Variants in SMOC1 observed in about 807,000 individuals in gnomAD.
SMOC1 encodes SPARC-related modular calcium-binding protein 1.
Under a neutral mutation model 56.3 loss-of-function variants are expected in SMOC1, and 22 were observed. The ratio of observed to expected loss-of-function variants is 0.39; its 90% CI spans 0.28 to 0.56. SMOC1 has a LOEUF of 0.56. Ranked by LOEUF, SMOC1 falls within the 20% of genes least tolerant of loss-of-function variation. The probability of loss-of-function intolerance (pLI) is 0.61; values close to 1 mark genes in which losing one functional copy is unlikely to be tolerated. For synonymous variants in SMOC1, 193 were observed against 215.0 expected, an observed-to-expected ratio of 0.90 and a Z score of 0.89; for missense variants, 509 against 565.4, an observed-to-expected ratio of 0.90 and a Z score of 1.01.
chr14:69,888,983 C>T (rs1883887835), intron 1 of SMOC1, among the ~76,000 whole-genome samples: 1 of 152,190 alleles, frequency 6.6e-6, no homozygotes, highest in African/African-American at 2.4e-5. Context: ...TCTTCATCCA[C>T]AGAACTTTCC....
intron 1 of SMOC1, among the ~76,000 whole-genome samples, chr14:69,891,095 T>C (rs541018998): frequency 1.1e-4 from 16 of 152,332 alleles, no homozygotes; most frequent in Middle Eastern, 3.4e-3. Context: ...CAATGTTGCA[T>C]GAAAAAGGCA....
intron 1 of SMOC1, among the ~76,000 whole-genome samples, chr14:69,883,445 C>T (rs1883702150): frequency 6.6e-6 from 1 of 152,194 alleles, no homozygotes; most frequent in Non-Finnish European, 1.5e-5. Flanking sequence ...TACATTGTTG[C>T]AAATGACAGG....
chr14:69,931,435 C>T (rs1412956817), intron 1 of SMOC1, among the ~76,000 whole-genome samples: 1 of 152,258 alleles, frequency 6.6e-6, no homozygotes, highest in East Asian at 1.9e-4. Flanking sequence ...TATAGCTCTT[C>T]CTTGTTTGTT....
At chr14:69,930,555 T>C (rs1365804446) in intron 1 of SMOC1, among the ~76,000 whole-genome samples, 1 of 152,028 alleles carries the variant, frequency 6.6e-6, no homozygotes, top group Non-Finnish European at 1.5e-5. Flanking sequence ...TTTTTCTGGG[T>C]AAGTGATGGC....
chr14:69,992,119 T>C (rs1884587692), intron 5 of SMOC1, among the ~76,000 whole-genome samples: 2 of 151,972 alleles, frequency 1.3e-5, no homozygotes, highest in African/African-American at 4.8e-5. Flanking sequence ...GCCAGCAGAG[T>C]CATACTGGTA....
Position 70,010,531 on chromosome 14 carries a change from A to G in SMOC1, c.665-223A>G, listed in dbSNP as rs1241645606. ...ACCTATTTGGTGGGAATGCTAATGA[A>G]TGCTGGCAGCAGAGATGGCCACAGG... On this transcript the variant is annotated intron_variant, in intron 7 of 11. Transcript: ENST00000361956. Among the ~76,000 whole-genome samples, 4 of 152,190 alleles carry G rather than the reference A, an allele frequency of 2.6e-5. No homozygotes were observed. The East Asian group carries it at 7.7e-4, about 29-fold the overall frequency.
intron 1 of SMOC1, among the ~76,000 whole-genome samples, chr14:69,890,663 G>A (rs1219903169): frequency 3.3e-5 from 5 of 152,192 alleles, no homozygotes; most frequent in African/African-American, 7.2e-5. Flanking sequence ...CTAACTTTTA[G>A]GGCTAGTAAC....
chr14:69,918,236 A>AT (rs199553975), intron 1 of SMOC1, among the ~76,000 whole-genome samples: 11,722 of 149,216 alleles, frequency 0.079, 593 homozygotes, highest in South Asian at 0.17. Context: ...ATATATATAT[A>AT]TTTTTTTTTT....
chr14:69,935,007 A>G (rs76808274), intron 1 of SMOC1, among the ~76,000 whole-genome samples: 235 of 152,346 alleles, frequency 1.5e-3, no homozygotes, highest in African/African-American at 5.3e-3. Flanking sequence ...AATAAATGAG[A>G]ATCCCCTGGA....
intron 3 of SMOC1, among the ~76,000 whole-genome samples, chr14:69,972,094 T>C (rs2139491702): frequency 6.6e-6 from 1 of 152,350 alleles, no homozygotes; most frequent in South Asian, 2.1e-4. Context: ...ATTATTGTCA[T>C]GATTATCTTC....
At chr14:69,992,551 T>G in intron 6 of SMOC1, 78 bp downstream of exon 6, 2 of 1,090,028 alleles carry the variant, frequency 1.8e-6, no homozygotes, top group Non-Finnish European at 2.8e-6. Flanking sequence ...GTTGGATGTT[T>G]GTTTAAGTTT....
chr14:70,003,993 A>G (rs1406916842), intron 7 of SMOC1, among the ~76,000 whole-genome samples: 1 of 151,568 alleles, frequency 6.6e-6, no homozygotes, highest in Non-Finnish European at 1.5e-5. Context: ...CCCTAATCTC[A>G]TTTTCTACTC....
chr14:69,933,127 G>A (rs60056270), intron 1 of SMOC1, among the ~76,000 whole-genome samples: 7,320 of 152,160 alleles, frequency 0.048, 227 homozygotes, highest in Non-Finnish European at 0.074. Context: ...AGGTGAAAAA[G>A]GGTAAAGTTT....
chr14:69,952,116 C>T (rs1883019373), intron 1 of SMOC1, 22 bp from the exon 2 acceptor site: 1 of 1,614,024 alleles, frequency 6.2e-7, no homozygotes. Context: ...CCTCTGTACC[C>T]TTTCACTTTT....
At chr14:69,960,626 A>T (rs1883337564) in intron 3 of SMOC1, among the ~76,000 whole-genome samples, 2 of 152,140 alleles carry the variant, frequency 1.3e-5, no homozygotes, top group African/African-American at 4.8e-5. Context: ...TTATTATTAC[A>T]GTGTGAACAT....
intron 11 of SMOC1, among the ~76,000 whole-genome samples, chr14:70,027,597 T>C (rs1432712274): frequency 6.6e-6 from 1 of 152,164 alleles, no homozygotes; most frequent in Non-Finnish European, 1.5e-5. Context: ...CTGGAGTAAG[T>C]GCAGAGGCCC....
rs150116249 is a variant in SMOC1 at position 69,938,197 on chromosome 14, T to C, written c.100-13941T>C. 5.2e-3 allele frequency among the ~76,000 whole-genome samples: 788 copies of C among 152,290 alleles called. 6 individuals carry two copies. The highest frequency in any genetic ancestry group is 0.018 in the African/African-American group (731 of 41,556). On this transcript the variant is annotated intron_variant, in intron 1 of 11. Coordinates refer to ENST00000361956, the MANE Select transcript of SMOC1 (RefSeq NM_001034852.3). ...CTATGACACTGAAATATACCAGTTC[T>C]CCATTTTGTTATTACAGAGCCATGA...
chr14:70,009,032 G>A (rs1885241745), intron 7 of SMOC1, among the ~76,000 whole-genome samples: 1 of 151,696 alleles, frequency 6.6e-6, no homozygotes, highest in Admixed American at 6.6e-5. Flanking sequence ...AGTCACAGTT[G>A]GAGGCAAAAC....
intron 3 of SMOC1, among the ~76,000 whole-genome samples, chr14:69,958,237 A>G (rs1883258103): frequency 6.6e-6 from 1 of 152,150 alleles, no homozygotes; most frequent in Non-Finnish European, 1.5e-5. Flanking sequence ...TAGCCACTCC[A>G]CTCCAGCCTG....
Sources: gnomAD v4.1 joint callset for allele counts (sites outside exome capture counted in the v4.1 genomes callset) on GRCh38, gnomAD v4.1.1 for gene constraint, MANE v1.5 for transcripts, NCBI Gene and HGNC (gene_info 2026-07-23, HGNC 2026-07-21) for gene names.